DNMT1: variants seen among roughly 807,000 people sequenced by gnomAD.
DNMT1 encodes DNA methyltransferase 1, also known as DNA (cytosine-5)-methyltransferase 1.
DNMT1 carries 24 observed loss-of-function variants against 205.3 expected under a neutral mutation model. That is an observed-to-expected ratio of 0.12 (90% CI 0.08 to 0.16). DNMT1 has a LOEUF of 0.16. Among genes scored for constraint, DNMT1 ranks in the 10% least tolerant of loss-of-function variants. The pLI is 1.00. For missense variants in DNMT1, 1,293 were observed against 2,177.7 expected, an observed-to-expected ratio of 0.59 and a Z score of 8.09; for synonymous variants, 817 against 839.8, an observed-to-expected ratio of 0.97 and a Z score of 0.47.
intron 6 of DNMT1, among the ~76,000 whole-genome samples, chr19:10,176,805 C>A (rs773012803): frequency 1.5e-4 from 23 of 152,100 alleles, no homozygotes; most frequent in Non-Finnish European, 2.8e-4. Flanking sequence ...TTGCAGTGAG[C>A]CGAGATCGTG....
chr19:10,134,859 GA>G (rs58533694), intron 39 of DNMT1, among the ~76,000 whole-genome samples: 16,986 of 118,702 alleles, frequency 0.14, 1,473 homozygotes, highest in East Asian at 0.42. Context: ...CCCTGTCTCA[GA>G]AAAAAAAAAA....
intron 5 of DNMT1, among the ~76,000 whole-genome samples, chr19:10,178,397 A>G (rs866541104): frequency 7.2e-5 from 11 of 152,086 alleles, no homozygotes; most frequent in African/African-American, 1.4e-4. Context: ...TCTCTACTAA[A>G]AATACAAAAA....
intron 11 of DNMT1, 61 bp from the exon 12 acceptor site, chr19:10,163,421 C>T: frequency 2.6e-6 from 4 of 1,556,670 alleles, no homozygotes; most frequent in Non-Finnish European, 2.7e-6. Context: ...GTTTCTGAGC[C>T]AGAGTGAGAT....
intron 1 of DNMT1, among the ~76,000 whole-genome samples, chr19:10,182,548 T>A (rs1440884315): frequency 1.3e-5 from 2 of 148,344 alleles, no homozygotes; most frequent in African/African-American, 5.0e-5. Context: ...TATACATATG[T>A]GTATATATAT....
At chr19:10,180,704 T>A (rs2039030358) in intron 3 of DNMT1, 74 bp downstream of exon 3, 1 of 1,519,444 alleles carries the variant, frequency 6.6e-7, no homozygotes, top group South Asian at 1.1e-5. Context: ...GGGATCTTGC[T>A]GCCTCCCTGG....
chr19:10,154,807 C>T lies in DNMT1; in HGVS notation c.1645-34G>A. The T allele has an allele frequency of 6.2e-7, 1 of 1,614,210 alleles. No individual in the cohort carries two copies. The highest frequency in any genetic ancestry group is 8.5e-7 in the Non-Finnish European group (1 of 1,180,036). ...AGAACAGGTTTCTCTCATGCTTAAG[C>T]CAAACTGGCCTAAATCCAACTGAAG... On this transcript the variant is annotated intron_variant, in intron 20 of 40. Transcript: ENST00000359526. This position sits in a 1 kb window ranked among gnomAD's most constrained non-coding sequence, Gnocchi z 6.3.
At chr19:10,172,074 A>C (rs2038830966) in intron 9 of DNMT1, among the ~76,000 whole-genome samples, 1 of 151,994 alleles carries the variant, frequency 6.6e-6, no homozygotes, top group Non-Finnish European at 1.5e-5. Context: ...CGCTATGACA[A>C]CCTCATAACC....
At chr19:10,189,709 G>A (rs1185901896) in intron 1 of DNMT1, among the ~76,000 whole-genome samples, 1 of 151,984 alleles carries the variant, frequency 6.6e-6, no homozygotes. Context: ...ATGAGCCACT[G>A]CACACGGCCT....
rs377679212 is a variant in DNMT1 at position 10,154,269 on chromosome 19, G to C, written c.2019+24C>G. ...AGAGGCTGGGCCACCTTAGGGGAGC[G>C]GGAGCACCCACAGGTGAGGTTACCT... On this transcript the variant is annotated intron_variant, in intron 22 of 40. Coordinates refer to ENST00000359526, the MANE Select transcript of DNMT1 (RefSeq NM_001130823.3). This position sits in a 1 kb window ranked among gnomAD's most constrained non-coding sequence, Gnocchi z 6.3. The C allele has an allele frequency of 6.8e-6, 11 of 1,613,016 alleles. No individual in the cohort carries two copies. The African/African-American group carries it at 1.3e-4, about 20-fold the overall frequency.
At chr19:10,134,368 G>A (rs940616945) in intron 39 of DNMT1, 61 bp from the exon 40 acceptor site, 9 of 1,510,274 alleles carry the variant, frequency 6.0e-6, no homozygotes, top group Middle Eastern at 3.6e-4. Flanking sequence ...CCCGGGGGCA[G>A]GTGTACTGCC....
At chr19:10,186,537 T>G (rs1474401895) in intron 1 of DNMT1, among the ~76,000 whole-genome samples, 1 of 151,792 alleles carries the variant, frequency 6.6e-6, no homozygotes, top group African/African-American at 2.4e-5. Context: ...AGAGGGGAGA[T>G]AAGATATATA....
rs745753378 is a variant in DNMT1, at chr19:10,146,505, G to A, written c.2740C>T (p.Arg914Cys). Residue 914 changes from arginine (R) to cysteine (C), a missense_variant, in exon 28 of 41, where the codon CGT becomes TGT. Transcript: ENST00000359526. This position sits in a 1 kb window ranked among gnomAD's most constrained non-coding sequence, Gnocchi z 4.4. The part of the protein sequence containing the change: ...NKFKFCVSCA[R>C]LAEMRQKEIP... ...TCTTTTTGCCTCATCTCAGCCAGAC[G>A]GGCACAGCTCACACAGAATCTGAAG... 1.7e-5 allele frequency: 27 copies of A among 1,613,948 alleles called. No homozygotes were observed. The highest frequency in any genetic ancestry group is 5.3e-5 in the African/African-American group (4 of 74,898).
At chr19:10,175,678 T>C (rs2038926333) in intron 6 of DNMT1, 60 bp from the exon 7 acceptor site, 1 of 1,521,060 alleles carries the variant, frequency 6.6e-7, no homozygotes, top group Admixed American at 1.7e-5. Flanking sequence ...CCAGCTGGCC[T>C]GAAGTGGACC....
rs35238334 is a variant in DNMT1, at chr19:10,186,838, C to CAAAAAAA, written c.81-4768_81-4762dup. Among the ~76,000 whole-genome samples the CAAAAAAA allele has an allele frequency of 2.3e-3, 161 of 70,678 alleles. 4 individuals carry two copies. The highest frequency in any genetic ancestry group is 0.021 in the East Asian group (37 of 1,800). 46.4% of individuals were successfully genotyped at this position (70,678 alleles called of 152,430 possible). On this transcript the variant is annotated intron_variant, in intron 1 of 40. Coordinates refer to ENST00000359526, the MANE Select transcript of DNMT1 (RefSeq NM_001130823.3). The stretch of plus-strand genomic sequence containing the variant: ...GGACAACAAGAGTGAAACTCCGTCT[C>CAAAAAAA]AAAAAAAAAAAAAAAAAAAAAGATA...
At chr19:10,142,838 C>G (rs2089628863) in intron 29 of DNMT1, 1 of 160,216 alleles carries the variant, frequency 6.2e-6, no homozygotes, top group African/African-American at 2.4e-5. Flanking sequence ...AGCTTGGCTG[C>G]TTGCTCTGCA....
chr19:10,189,121 AT>A (rs3079979), intron 1 of DNMT1, among the ~76,000 whole-genome samples: 117 of 143,610 alleles, frequency 8.1e-4, no homozygotes, highest in South Asian at 4.4e-3. Context: ...GACTCAGATG[AT>A]TTTTTTTTTT....
intron 24 of DNMT1, 26 bp from the exon 25 acceptor site, chr19:10,149,994 G>A (rs200459764): frequency 6.2e-7 from 1 of 1,603,760 alleles, no homozygotes; most frequent in South Asian, 1.1e-5. Context: ...TAAGTTCATG[G>A]AGGATCATTC....
At chr19:10,161,031 G>T (rs2038556103) in intron 13 of DNMT1, among the ~76,000 whole-genome samples, 1 of 151,572 alleles carries the variant, frequency 6.6e-6, no homozygotes, top group Non-Finnish European at 1.5e-5. Context: ...ACAGGGCCGG[G>T]CGCGATGGCT....
chr19:10,138,137 G>C lies in DNMT1; in HGVS notation c.4116-128C>G. On this transcript the variant is annotated intron_variant, in intron 35 of 40. Transcript: ENST00000359526. The surrounding 1 kb of genome is among the most constrained non-coding windows in gnomAD (Gnocchi z 4.1). Reference sequence around the variant, plus strand: ...TCACAGCACTGCCCGAGGTCACATGGGTGGCAGTGTGCCTGGATGCCATCT... The same window carrying C: ...TCACAGCACTGCCCGAGGTCACATGCGTGGCAGTGTGCCTGGATGCCATCT... 8.1e-7 allele frequency: 1 copy of C among 1,239,808 alleles called. No homozygotes were observed. Among genetic ancestry groups the C allele is most frequent in the South Asian group, 1.3e-5 (1 of 76,650 alleles). 76.8% of individuals were successfully genotyped at this position (1,239,808 alleles called of 1,614,324 possible). A position where few individuals can be genotyped will look rare whatever the true frequency, so the allele number is the denominator to read the frequency against.
Sources: allele counts gnomAD v4.1 joint callset (sites outside exome capture counted in the v4.1 genomes callset), GRCh38; gene constraint gnomAD v4.1.1; non-coding constraint Gnocchi (gnomAD v3.1); transcripts MANE v1.5; gene names NCBI Gene and HGNC (gene_info 2026-07-23, HGNC 2026-07-21).